Variants in CEP128 observed in about 807,000 individuals in gnomAD.
CEP128 encodes centrosomal protein 128.
CEP128 carries 132 observed loss-of-function variants against 156.7 expected under a neutral mutation model. The observed-to-expected ratio is 0.84, with a 90% CI of 0.73 to 0.97. The LOEUF (loss-of-function observed/expected upper bound fraction) is 0.97. Ranked by LOEUF, CEP128 falls within the 50% of genes least tolerant of loss-of-function variation. The probability of loss-of-function intolerance (pLI) is 0.00; values close to 1 mark genes in which losing one functional copy is unlikely to be tolerated. For missense variants in CEP128, 1,252 were observed against 1,281.9 expected (o/e 0.98, Z 0.36); for synonymous variants, 469 against 448.9 (o/e 1.04, Z -0.57).
intron 2 of CEP128, among the ~76,000 whole-genome samples, chr14:80,937,555 A>G (rs930767217): frequency 1.3e-5 from 2 of 152,154 alleles, no homozygotes; most frequent in Non-Finnish European, 1.5e-5. Context: ...AAGAATAAGA[A>G]AAAAATATAA....
At chr14:80,578,303 A>C (rs1891442716) in intron 20 of CEP128, among the ~76,000 whole-genome samples, 3 of 152,180 alleles carry the variant, frequency 2.0e-5, no homozygotes, top group Non-Finnish European at 4.4e-5. Context: ...TAAATGGAGT[A>C]CCTCATTTAT....
chr14:80,869,071 A>G (rs1038480679), intron 8 of CEP128, among the ~76,000 whole-genome samples: 3 of 152,110 alleles, frequency 2.0e-5, no homozygotes, highest in African/African-American at 7.2e-5. Flanking sequence ...CATATCATCC[A>G]GACGGAAAGT....
chr14:80,615,883 ATAAATAAATAAG>A, intron 19 of CEP128, among the ~76,000 whole-genome samples: 1 of 66,228 alleles, frequency 1.5e-5, no homozygotes, highest in African/African-American at 5.5e-5. Context: ...AAATAAATAA[ATAAATAAATAAG>A]TGACAGCAGC....
chr14:80,675,206 G>T (rs890560389), intron 19 of CEP128, among the ~76,000 whole-genome samples: 5 of 151,968 alleles, frequency 3.3e-5, no homozygotes, highest in African/African-American at 4.8e-5. Flanking sequence ...AAAGTGTGTT[G>T]ATGTACATTT....
intron 18 of CEP128, among the ~76,000 whole-genome samples, chr14:80,743,829 A>G (rs763834895): frequency 5.3e-5 from 8 of 151,010 alleles, no homozygotes; most frequent in Non-Finnish European, 1.0e-4. Flanking sequence ...ACAGATTCTA[A>G]CCTCACCTAC....
chr14:80,920,495 A>G (rs1884797699), intron 2 of CEP128, among the ~76,000 whole-genome samples: 1 of 152,226 alleles, frequency 6.6e-6, no homozygotes, highest in Non-Finnish European at 1.5e-5. Flanking sequence ...TTAACAATGT[A>G]TTATTTTATA....
chr14:80,754,023 A>C (rs1016801703), intron 18 of CEP128, among the ~76,000 whole-genome samples: 2 of 152,082 alleles, frequency 1.3e-5, no homozygotes, highest in African/African-American at 4.8e-5. Context: ...TACCAACTCT[A>C]ATCTACCTTT....
intron 21 of CEP128, among the ~76,000 whole-genome samples, chr14:80,537,018 A>G (rs1485528841): frequency 6.6e-6 from 1 of 152,222 alleles, no homozygotes; most frequent in Non-Finnish European, 1.5e-5. Context: ...TTTGTCAACA[A>G]CAAATTCTAT....
intron 9 of CEP128, among the ~76,000 whole-genome samples, chr14:80,853,307 TA>T (rs999482838): frequency 6.3e-4 from 92 of 145,464 alleles, no homozygotes; most frequent in African/African-American, 8.8e-4. Context: ...TGCAATAAGA[TA>T]AAAAAAAAAG....
intron 13 of CEP128, among the ~76,000 whole-genome samples, chr14:80,800,164 T>C (rs1237426817): frequency 2.0e-5 from 3 of 152,274 alleles, no homozygotes; most frequent in Admixed American, 1.3e-4. Context: ...AGCTGTAAAA[T>C]TCCTCTCTTT....
intron 18 of CEP128, among the ~76,000 whole-genome samples, chr14:80,747,047 A>G (rs1899137736): frequency 6.6e-6 from 1 of 152,238 alleles, no homozygotes; most frequent in African/African-American, 2.4e-5. Context: ...CTTCACACCC[A>G]GCAGGGTAGC....
chr14:80,742,668 AG>A (rs1364241540), intron 19 of CEP128: 2 of 164,624 alleles, frequency 1.2e-5, no homozygotes, highest in Non-Finnish European at 1.3e-5. Flanking sequence ...AAATAAGGGT[AG>A]GGTTTTTTTC....
intron 4 of CEP128, among the ~76,000 whole-genome samples, chr14:80,910,266 G>T (rs950738167): frequency 6.6e-6 from 1 of 152,128 alleles, no homozygotes; most frequent in Non-Finnish European, 1.5e-5. Flanking sequence ...ATAAAATTTG[G>T]GCACTGGAAT....
At chr14:80,720,546 A>C (rs1405121817) in intron 19 of CEP128, among the ~76,000 whole-genome samples, 1 of 152,216 alleles carries the variant, frequency 6.6e-6, no homozygotes, top group African/African-American at 2.4e-5. Flanking sequence ...CCCTTAATAA[A>C]GCAGGAATAA....
chr14:80,644,598 CA>C (rs2140811138), intron 19 of CEP128, among the ~76,000 whole-genome samples: 2 of 152,142 alleles, frequency 1.3e-5, no homozygotes, highest in South Asian at 4.2e-4. Context: ...ACTCAAATAT[CA>C]AAAAAGTGAT....
At chr14:80,635,771 C>T (rs1894156471) in intron 19 of CEP128, among the ~76,000 whole-genome samples, 1 of 152,090 alleles carries the variant, frequency 6.6e-6, no homozygotes, top group African/African-American at 2.4e-5. Flanking sequence ...TCCAAAACAC[C>T]CTAAAATCTG....
intron 19 of CEP128, among the ~76,000 whole-genome samples, chr14:80,613,647 T>C (rs926187041): frequency 1.3e-5 from 2 of 152,110 alleles, no homozygotes; most frequent in African/African-American, 4.8e-5. Flanking sequence ...TTTTCCAAAA[T>C]TATTATTCAA....
rs188284066 is a variant in CEP128, at chr14:80,610,837, C to G, written c.2807-30414G>C. Among the ~76,000 whole-genome samples, 4 of 152,030 alleles carry G rather than the reference C, an allele frequency of 2.6e-5. No homozygotes were observed. In the East Asian group the frequency reaches 7.7e-4, roughly 29 times the overall value. On this transcript the variant is annotated intron_variant, in intron 19 of 24. Coordinates refer to ENST00000555265, the MANE Select transcript of CEP128 (RefSeq NM_152446.5). Reference sequence around the variant, plus strand: ...AAATTATATTCATACGATGGAGTTTCTACATAGTTATTAAAAAAGAACGAG... The same window carrying G: ...AAATTATATTCATACGATGGAGTTTGTACATAGTTATTAAAAAAGAACGAG...
At chr14:80,759,288 T>C (rs1899835765) in intron 17 of CEP128, among the ~76,000 whole-genome samples, 1 of 152,222 alleles carries the variant, frequency 6.6e-6, no homozygotes. Context: ...ATTTATTACA[T>C]ATCTATTTTC....
Sources: allele counts gnomAD v4.1 joint callset (sites outside exome capture counted in the v4.1 genomes callset), GRCh38; gene constraint gnomAD v4.1.1; transcripts MANE v1.5; gene names NCBI Gene and HGNC (gene_info 2026-07-23, HGNC 2026-07-21).